The following PCDHB13 variants were observed in gnomAD, a reference collection of about 807,000 sequenced individuals.
PCDHB13 encodes protocadherin beta-13.
For missense variants in PCDHB13, 1,065 were observed against 1,016.7 expected (o/e 1.05, Z -0.65); for synonymous variants, 515 against 450.7 (o/e 1.14, Z -1.81).
chr5:141,215,706 A>C lies in PCDHB13; in HGVS notation c.1583A>C (p.Gln528Pro), dbSNP rs368020794. The change falls in exon 1 of 1, where the codon CAG becomes CCG. Residue 528 changes from glutamine (Q) to proline (P), a missense_variant. Coordinates refer to ENST00000341948, the MANE Select transcript of PCDHB13 (RefSeq NM_018933.4). ...SLDYEALQGF[Q>P]FRVGASDHGS... ...GACTACGAGGCCCTGCAGGGGTTCC[A>C]GTTCCGCGTGGGCGCTTCAGACCAC... 6.2e-7 allele frequency: 1 copy of C among 1,612,656 alleles called. No individual in the cohort carries two copies. The highest frequency in any genetic ancestry group is 2.2e-5 in the East Asian group (1 of 44,886).
rs1014244794 is a variant in PCDHB13, at chr5:141,217,765, A to G, written c.*1245A>G. The G allele has an allele frequency of 4.8e-5, 8 of 167,056 alleles. No homozygotes were observed. Among genetic ancestry groups the G allele is most frequent in the African/African-American group, 1.7e-4 (7 of 41,394 alleles). 10.3% of individuals were successfully genotyped at this position (167,056 alleles called of 1,614,324 possible). A position where few individuals can be genotyped will look rare whatever the true frequency, so the allele number is the denominator to read the frequency against. ...GGAGATTTTCCATGACTTTTATCAA[A>G]GTCTACAGTCTATGTTGTGGGAGAA... is the stretch of plus-strand genomic sequence containing the variant. On this transcript the variant is annotated 3_prime_UTR_variant, in exon 1 of 1. Coordinates refer to ENST00000341948, the MANE Select transcript of PCDHB13 (RefSeq NM_018933.4).
At position 141,217,171 on chromosome 5, in the gene PCDHB13, T is replaced by A. The variant is rs1554288284; in HGVS notation, c.*651T>A. On this transcript the variant is annotated 3_prime_UTR_variant, in exon 1 of 1. Coordinates refer to ENST00000341948, the MANE Select transcript of PCDHB13 (RefSeq NM_018933.4). ...CTGGGAATATGAAGCTATAATTTTT[T>A]AATTAATGTCACAAAGCTCTAGTGC... is the stretch of plus-strand genomic sequence containing the variant. 2 of 167,502 alleles carry A rather than the reference T, an allele frequency of 1.2e-5. No homozygotes were observed. Among genetic ancestry groups the A allele is most frequent in the African/African-American group, 2.4e-5 (1 of 41,442 alleles). 10.4% of individuals were successfully genotyped at this position (167,502 alleles called of 1,614,324 possible).
Position 141,216,787 on chromosome 5 carries a change from C to A in PCDHB13, c.*267C>A. ...TACCAAATCACATTTTTTTCATGCC[C>A]CTATCTTTAGCTGAACTTCACCCAC... On this transcript the variant is annotated 3_prime_UTR_variant, in exon 1 of 1. Transcript: ENST00000341948. 2.0e-6 allele frequency: 1 copy of A among 504,126 alleles called. No homozygotes were observed. 31.2% of individuals were successfully genotyped at this position (504,126 alleles called of 1,614,324 possible). A position where few individuals can be genotyped will look rare whatever the true frequency, so the allele number is the denominator to read the frequency against.
chr5:141,216,279 C>A lies in PCDHB13; in HGVS notation c.2156C>A (p.Ala719Glu), dbSNP rs1554288164. 2 of 1,613,858 alleles carry A rather than the reference C, an allele frequency of 1.2e-6. No individual in the cohort carries two copies. Among genetic ancestry groups the A allele is most frequent in the East Asian group, 2.2e-5 (1 of 44,864 alleles). Reference protein sequence around the residue: ...VAVRLCRRSRAASVGRCLVPE... With the variant: ...VAVRLCRRSREASVGRCLVPE... ...GTGCGGCTGTGTAGGAGGAGCAGGG[C>A]GGCCTCGGTGGGTCGCTGCTTGGTG... Residue 719 changes from alanine (A) to glutamate (E), a missense_variant, in exon 1 of 1, where the codon GCG becomes GAG. Ala to Glu is a moderately radical substitution (Grantham distance 107). Transcript: ENST00000341948.
rs1417702609 is a variant in PCDHB13 at position 141,218,194 on chromosome 5, C to T, written c.*1674C>T. ...GAATTCCTGAGCTCAAGCAGTCTGC[C>T]TGCCTCAGCCTCCCAAAGTGCTATG... On this transcript the variant is annotated 3_prime_UTR_variant, in exon 1 of 1. Coordinates refer to ENST00000341948, the MANE Select transcript of PCDHB13 (RefSeq NM_018933.4). 2 of 163,768 alleles carry T rather than the reference C, an allele frequency of 1.2e-5. No individual in the cohort carries two copies. The highest frequency in any genetic ancestry group is 2.9e-5 in the Non-Finnish European group (2 of 68,184). 10.1% of individuals were successfully genotyped at this position (163,768 alleles called of 1,614,324 possible).
chr5:141,218,494 A>AGTG lies in PCDHB13; in HGVS notation c.*1978_*1980dup, dbSNP rs1239415620. ...GTCTTAGTCACCTAGGCTGGAGTGC[A>AGTG]GTGGTGCAATCATAGCTCACTGAAG... On this transcript the variant is annotated 3_prime_UTR_variant, in exon 1 of 1. Coordinates refer to ENST00000341948, the MANE Select transcript of PCDHB13 (RefSeq NM_018933.4). 1.3e-5 allele frequency: 2 copies of AGTG among 155,686 alleles called. No individual in the cohort carries two copies. The highest frequency in any genetic ancestry group is 4.8e-5 in the African/African-American group (2 of 41,270). The allele number at this position is 155,686 out of a possible 1,614,324, so 9.6% of individuals were successfully genotyped here.
Position 141,215,229 on chromosome 5 carries a change from T to A in PCDHB13, c.1106T>A (p.Phe369Tyr), listed in dbSNP as rs782532018. The stretch of plus-strand genomic sequence containing the variant: ...GCGCCTGAAACTGTGGTTGCACTTT[T>A]CAGTGTTTCAGATCTTGATTCAGGA... ...ENAPETVVAL[F>Y]SVSDLDSGEN... The change falls in exon 1 of 1, where the codon TTC becomes TAC. Residue 369 changes from phenylalanine to tyrosine, a missense_variant. Transcript: ENST00000341948. The A allele has an allele frequency of 6.2e-7, 1 of 1,614,154 alleles. No homozygotes were observed. The highest frequency in any genetic ancestry group is 8.5e-7 in the Non-Finnish European group (1 of 1,180,042).
In PCDHB13 at chr5:141,215,526, T is replaced by G. The variant is rs782378183; in HGVS notation, c.1403T>G (p.Leu468Arg). ...GTCCGCGAGAACAACAGCCCCGCCC[T>G]GCACATCCGCAGCGTCAGCGCTACA... ...LFVRENNSPA[L>R]HIRSVSATDR... The change falls in exon 1 of 1, where the codon CTG becomes CGG. Residue 468 changes from leucine (L) to arginine (R), a missense_variant. Coordinates refer to ENST00000341948, the MANE Select transcript of PCDHB13 (RefSeq NM_018933.4). 1.2e-5 allele frequency: 20 copies of G among 1,613,824 alleles called. No homozygotes were observed. The highest frequency in any genetic ancestry group is 1.4e-5 in the Non-Finnish European group (17 of 1,179,934).
Position 141,216,142 on chromosome 5 carries a change from C to G in PCDHB13, c.2019C>G (p.Leu673=), listed in dbSNP as rs782143901. ...GCTTCTCCCAGCCCTACCTGCCTCT[C>G]CCGGAGGCGGCCCCGACCCAGGCCC... ...VDGFSQPYLP[L]PEAAPTQAQA... The change falls in exon 1 of 1, where the codon CTC becomes CTG. Residue 673 remains leucine (L), a synonymous_variant. Coordinates refer to ENST00000341948, the MANE Select transcript of PCDHB13 (RefSeq NM_018933.4). 4.3e-6 allele frequency: 7 copies of G among 1,611,066 alleles called. No homozygotes were observed. The highest frequency in any genetic ancestry group is 5.1e-6 in the Non-Finnish European group (6 of 1,179,800).
In PCDHB13 at chr5:141,215,880, T is replaced by C. The variant is rs1563988728; in HGVS notation, c.1757T>C (p.Val586Ala). The change falls in exon 1 of 1, where the codon GTG becomes GCG. Residue 586 changes from valine (V) to alanine (A), a missense_variant. Transcript: ENST00000341948. ...VPRAAEPGYL[V>A]TKVVAVDGDS... The stretch of plus-strand genomic sequence containing the variant: ...CGGGCGGCCGAGCCGGGCTACCTGG[T>C]GACCAAGGTGGTGGCGGTGGACGGC... 4.4e-6 allele frequency: 7 copies of C among 1,607,176 alleles called. No individual in the cohort carries two copies. The highest frequency in any genetic ancestry group is 5.1e-6 in the Non-Finnish European group (6 of 1,178,568).
chr5:141,215,071 T>C lies in PCDHB13; in HGVS notation c.948T>C (p.Tyr316=), dbSNP rs1554287782. The change falls in exon 1 of 1, where the codon TAT becomes TAC. Residue 316 remains tyrosine (Y), a synonymous_variant. Transcript: ENST00000341948. ...KQLDFEKLQS[Y]EVNIEARDAG... is the part of the protein sequence containing the mutation. The stretch of plus-strand genomic sequence containing the variant: ...TCGATTTCGAAAAACTTCAGTCCTA[T>C]GAAGTCAATATTGAGGCAAGAGATG... 1.2e-6 allele frequency: 2 copies of C among 1,614,040 alleles called. No individual in the cohort carries two copies. The highest frequency in any genetic ancestry group is 1.7e-5 in the Admixed American group (1 of 60,008).
At position 141,216,002 on chromosome 5, in the gene PCDHB13, G is replaced by T. The variant is rs782804643; in HGVS notation, c.1879G>T (p.Ala627Ser). ...GGCGCACAATGGCGAGGTGCGCACC[G>T]CCAGGCTGCTGAGCGAGCGCGACGC... ...VWAHNGEVRT[A>S]RLLSERDAAK... Residue 627 changes from alanine (A) to serine (S), a missense_variant, in exon 1 of 1, where the codon GCC (alanine) becomes TCC (serine). Coordinates refer to ENST00000341948, the MANE Select transcript of PCDHB13 (RefSeq NM_018933.4). 3 of 1,606,924 alleles carry T rather than the reference G, an allele frequency of 1.9e-6. No individual in the cohort carries two copies. The highest frequency in any genetic ancestry group is 2.5e-6 in the Non-Finnish European group (3 of 1,179,558).
In PCDHB13 at chr5:141,216,593, T is replaced by C. The variant is rs912484811; in HGVS notation, c.*73T>C. 11 of 1,211,838 alleles carry C rather than the reference T, an allele frequency of 9.1e-6. No individual in the cohort carries two copies. Among genetic ancestry groups the C allele is most frequent in the Non-Finnish European group, 1.2e-5 (10 of 812,454 alleles). The allele number at this position is 1,211,838 out of a possible 1,614,324, so 75.1% of individuals were successfully genotyped here. A position where few individuals can be genotyped will look rare whatever the true frequency, so the allele number is the denominator to read the frequency against. On this transcript the variant is annotated 3_prime_UTR_variant, in exon 1 of 1. Transcript: ENST00000341948. ...CCATGCCAATGTTTATTTCCCCCAA[T>C]TTGTGTGTATGTAATATTGTACGGA...
In PCDHB13 at chr5:141,214,611, T is replaced by C. The variant is rs1754538008; in HGVS notation, c.488T>C (p.Val163Ala). 2.5e-6 allele frequency: 4 copies of C among 1,614,218 alleles called. No homozygotes were observed. Among genetic ancestry groups the C allele is most frequent in the Non-Finnish European group, 3.4e-6 (4 of 1,180,050 alleles). Residue 163 changes from valine (V) to alanine (A), a missense_variant, in exon 1 of 1, where the codon GTA becomes GCA. By Grantham distance (64) the Val-to-Ala change is moderately conservative (BLOSUM62 0). Transcript: ENST00000341948. ...FPLKNAEDLD[V>A]GQNNIENYII... ...CTGAAGAATGCCGAAGACTTAGATG[T>C]AGGCCAAAACAATATTGAGAACTAT...
rs1554287548 is a variant in PCDHB13 at position 141,214,162 on chromosome 5, A to G, written c.39A>G (p.Gln13=). ...ASGKLICRQR[Q]VLFSFLLLGL... The stretch of plus-strand genomic sequence containing the variant: ...GGAAGCTCATTTGCAGACAAAGGCA[A>G]GTCCTTTTTTCCTTTCTCCTTTTGG... The change falls in exon 1 of 1, where the codon CAA becomes CAG. Residue 13 remains glutamine, a synonymous_variant. Transcript: ENST00000341948. The G allele has an allele frequency of 1.9e-6, 3 of 1,613,844 alleles. No individual in the cohort carries two copies. The highest frequency in any genetic ancestry group is 1.7e-5 in the Admixed American group (1 of 59,986).
In PCDHB13 at chr5:141,215,053, C is replaced by T. The variant is rs782030665; in HGVS notation, c.930C>T (p.Phe310=). 1.6e-4 allele frequency: 256 copies of T among 1,613,984 alleles called. No individual in the cohort carries two copies. Among genetic ancestry groups the T allele is most frequent in the Non-Finnish European group, 2.0e-4 (234 of 1,180,010 alleles). The part of the protein sequence containing the change: ...GEIELKKQLD[F]EKLQSYEVNI... ...TTGAACTAAAAAAACAACTCGATTT[C>T]GAAAAACTTCAGTCCTATGAAGTCA... The change falls in exon 1 of 1, where the codon TTC becomes TTT. Residue 310 remains phenylalanine (F), a synonymous_variant. Transcript: ENST00000341948.
Position 141,216,808 on chromosome 5 carries a change from C to T in PCDHB13, c.*288C>T. The T allele has an allele frequency of 2.2e-6, 1 of 464,772 alleles. No homozygotes were observed. Among genetic ancestry groups the T allele is most frequent in the Non-Finnish European group, 4.1e-6 (1 of 246,312 alleles). The allele number at this position is 464,772 out of a possible 1,614,324, so 28.8% of individuals were successfully genotyped here. A position where few individuals can be genotyped will look rare whatever the true frequency, so the allele number is the denominator to read the frequency against. On this transcript the variant is annotated 3_prime_UTR_variant, in exon 1 of 1. Coordinates refer to ENST00000341948, the MANE Select transcript of PCDHB13 (RefSeq NM_018933.4). ...TGCCCCTATCTTTAGCTGAACTTCACCCACTATTATGCTTATGGTAAAATT... is the reference window on the plus strand; with the variant it reads ...TGCCCCTATCTTTAGCTGAACTTCATCCACTATTATGCTTATGGTAAAATT...
Position 141,215,978 on chromosome 5 carries a change from G to A in PCDHB13, c.1855G>A (p.Ala619Thr). ...GGAGCTCGGTCTGTTCGGCGTGTGG[G>A]CGCACAATGGCGAGGTGCGCACCGC... Reference protein sequence around the residue: ...ATELGLFGVWAHNGEVRTARL... With the variant: ...ATELGLFGVWTHNGEVRTARL... Residue 619 changes from alanine (A) to threonine (T), a missense_variant, in exon 1 of 1, where the codon GCG (alanine) becomes ACG (threonine). Physicochemically the swap from Ala to Thr is moderately conservative, Grantham distance 58. Transcript: ENST00000341948. The A allele has an allele frequency of 6.2e-7, 1 of 1,607,126 alleles. No individual in the cohort carries two copies. The highest frequency in any genetic ancestry group is 8.5e-7 in the Non-Finnish European group (1 of 1,179,558).
Position 141,214,034 on chromosome 5 carries a change from G to A in PCDHB13, c.-90G>A. The stretch of plus-strand genomic sequence containing the variant: ...GGACTACTCACTGGCATATTTCTGA[G>A]GTATCTGTAGAATAACCACAGCCTC... On this transcript the variant is annotated 5_prime_UTR_variant, in exon 1 of 1. Transcript: ENST00000341948. 1.3e-6 allele frequency: 2 copies of A among 1,540,770 alleles called. No individual in the cohort carries two copies. The highest frequency in any genetic ancestry group is 4.5e-5 in the East Asian group (2 of 44,322).
Sources: gnomAD v4.1 joint callset for allele counts on GRCh38, gnomAD v4.1.1 for gene constraint, MANE v1.5 for transcripts, NCBI Gene and HGNC (gene_info 2026-07-23, HGNC 2026-07-21) for gene names.